PREPL: variants seen among roughly 807,000 people sequenced by gnomAD.
PREPL encodes prolyl endopeptidase-like.
A neutral mutation model predicts 70.6 loss-of-function variants in PREPL; 77 were observed. The observed-to-expected ratio is 1.09, with a 90% CI of 0.91 to 1.32. The LOEUF (loss-of-function observed/expected upper bound fraction) is 1.32. Among genes scored for constraint, PREPL ranks in the 40% most tolerant of loss-of-function variants. The pLI is 0.00. For missense variants in PREPL, 1,002 were observed against 778.2 expected, an observed-to-expected ratio of 1.29 and a Z score of -3.42; for synonymous variants, 315 against 264.8, an observed-to-expected ratio of 1.19 and a Z score of -1.84.
intron 10 of PREPL, among the ~76,000 whole-genome samples, chr2:44,325,225 C>A (rs1220391967): frequency 6.6e-6 from 1 of 152,208 alleles, no homozygotes; most frequent in Non-Finnish European, 1.5e-5. Flanking sequence ...ATCAACCAGA[C>A]ACATGTGCTT....
At position 44,343,796 on chromosome 2, in the gene PREPL, G is replaced by A. The variant is rs901512576; in HGVS notation, c.298C>T (p.Leu100Phe). 2 of 1,613,872 alleles carry A rather than the reference G, an allele frequency of 1.2e-6. No individual in the cohort carries two copies. Among genetic ancestry groups the A allele is most frequent in the African/African-American group, 2.7e-5 (2 of 74,896 alleles). ...SEASTCVIIK[L>F]SDQPVMEASF... ...GCTTCCATTACGGGCTGATCGCTGA[G>A]CTTTATAATTACACAGGTAGATGCT... The change falls in exon 4 of 14, where the codon CTC (leucine) becomes TTC (phenylalanine). Residue 100 changes from leucine to phenylalanine, a missense_variant. Leu to Phe is a conservative substitution (Grantham distance 22, BLOSUM62 0). Coordinates refer to ENST00000409411, the MANE Select transcript of PREPL (RefSeq NM_001171613.2).
intron 1 of PREPL, among the ~76,000 whole-genome samples, chr2:44,355,693 A>T (rs943020094): frequency 6.6e-6 from 1 of 151,460 alleles, no homozygotes; most frequent in Admixed American, 6.6e-5. Context: ...TTTCAATAAC[A>T]TTCTATTGCT....
intron 7 of PREPL, among the ~76,000 whole-genome samples, chr2:44,334,879 A>T (rs1407887913): frequency 6.6e-6 from 1 of 152,184 alleles, no homozygotes; most frequent in African/African-American, 2.4e-5. Context: ...ATTTAAAAAG[A>T]TCTTTTAATC....
chr2:44,332,363 G>T, intron 8 of PREPL, 96 bp downstream of exon 8: 2 of 1,086,648 alleles, frequency 1.8e-6, no homozygotes, highest in Non-Finnish European at 2.7e-6. Context: ...TCTACATTAG[G>T]AAACCGTGCT....
At chr2:44,334,904 CAG>C (rs1674478078) in intron 7 of PREPL, among the ~76,000 whole-genome samples, 1 of 152,086 alleles carries the variant, frequency 6.6e-6, no homozygotes, top group African/African-American at 2.4e-5. Flanking sequence ...GCCCACCAGG[CAG>C]AGATACTGCA....
intron 1 of PREPL, among the ~76,000 whole-genome samples, chr2:44,353,249 C>A (rs1676641777): frequency 1.3e-5 from 2 of 151,896 alleles, no homozygotes; most frequent in South Asian, 2.1e-4. Flanking sequence ...GCTTTAGTTT[C>A]TTCATTTGTT....
chr2:44,321,044 G>C lies in PREPL; in HGVS notation c.*312C>G, dbSNP rs1672896872. 1 of 399,966 alleles carries C rather than the reference G, an allele frequency of 2.5e-6. No individual in the cohort carries two copies. The highest frequency in any genetic ancestry group is 4.0e-5 in the Admixed American group (1 of 24,728). The allele number at this position is 399,966 out of a possible 1,614,324, so 24.8% of individuals were successfully genotyped here. Reference sequence around the variant, plus strand: ...GAGGCAGGACACTAATTTGTAAACTGCTCAACTGTTCTGACTGGAAGGGAG... The same window carrying C: ...GAGGCAGGACACTAATTTGTAAACTCCTCAACTGTTCTGACTGGAAGGGAG... On this transcript the variant is annotated 3_prime_UTR_variant, in exon 14 of 14. Transcript: ENST00000409411.
chr2:44,357,744 C>T (rs1326277956), intron 1 of PREPL, among the ~76,000 whole-genome samples: 3 of 151,970 alleles, frequency 2.0e-5, no homozygotes, highest in Admixed American at 1.3e-4. Flanking sequence ...AGACAAAGTA[C>T]GACATGACAA....
chr2:44,340,776 A>C (rs1276487802), intron 5 of PREPL, among the ~76,000 whole-genome samples: 3 of 152,056 alleles, frequency 2.0e-5, no homozygotes, highest in Non-Finnish European at 4.4e-5. Flanking sequence ...AAAAATACAA[A>C]AATTAGCCAG....
At chr2:44,359,710 C>T in intron 1 of PREPL, 2 of 1,604,166 alleles carry the variant, frequency 1.2e-6, no homozygotes, top group Non-Finnish European at 1.7e-6. Flanking sequence ...TGGTCTTCTG[C>T]TGCATGATAT....
rs200854824 is a variant in PREPL at position 44,343,812 on chromosome 2, G to C, written c.282C>G (p.Thr94=). 1.0e-4 allele frequency: 163 copies of C among 1,613,844 alleles called. No individual in the cohort carries two copies. Among genetic ancestry groups the C allele is most frequent in the Middle Eastern group, 4.9e-4 (3 of 6,084 alleles). Residue 94 remains threonine, a synonymous_variant, in exon 4 of 14, where the codon ACC becomes ACG. Transcript: ENST00000409411. ...KIRTEDSEAS[T]CVIIKLSDQP... is the part of the protein sequence containing the mutation. ...GATCGCTGAGCTTTATAATTACACA[G>C]GTAGATGCTTCAGAATCTTCAGTTC... is the stretch of plus-strand genomic sequence containing the variant.
chr2:44,326,873 G>GT lies in PREPL; in HGVS notation c.1317dup (p.Leu440ThrfsTer6). Reference sequence around the variant, plus strand: ...GCCTCTAAATCAGCAAGGCCATTGAGTTTTTTAGTTAGGCGGCCATCAGCG... The same window carrying GT: ...GCCTCTAAATCAGCAAGGCCATTGAGTTTTTTTAGTTAGGCGGCCATCAGCG... On this transcript the variant is annotated frameshift_variant, in exon 10 of 14. Transcript: ENST00000409411. LOFTEE classifies it high-confidence loss of function. 2.5e-6 allele frequency: 4 copies of GT among 1,614,146 alleles called. No homozygotes were observed. The highest frequency in any genetic ancestry group is 3.4e-6 in the Non-Finnish European group (4 of 1,180,028).
chr2:44,326,495 GTT>G (rs374387914), intron 10 of PREPL, among the ~76,000 whole-genome samples: 1 of 136,936 alleles, frequency 7.3e-6, no homozygotes, highest in Non-Finnish European at 1.6e-5. Flanking sequence ...GCCTGGGTAG[GTT>G]TTTTTTTTTT....
chr2:44,360,925 T>C (rs1190704048), intron 1 of PREPL, among the ~76,000 whole-genome samples: 1 of 152,160 alleles, frequency 6.6e-6, no homozygotes, highest in Non-Finnish European at 1.5e-5. Context: ...ATAGATCAGA[T>C]GCGCTACGAC....
intron 1 of PREPL, among the ~76,000 whole-genome samples, 164 bp downstream of exon 1, chr2:44,361,216 C>T (rs1400468310): frequency 1.5e-4 from 23 of 152,158 alleles, no homozygotes; most frequent in Admixed American, 1.5e-3. Context: ...ACTCTCCACC[C>T]CAGGGATGAG....
intron 7 of PREPL, among the ~76,000 whole-genome samples, chr2:44,333,099 C>A (rs562301596): frequency 6.6e-6 from 1 of 152,212 alleles, no homozygotes. Context: ...CCTTACCCTG[C>A]TGCCTGGACA....
chr2:44,338,378 C>A lies in PREPL; in HGVS notation c.861G>T (p.Leu287=), dbSNP rs1572880917. ...TTAGAGACCGAACTGAATCATCAGC[C>A]AGACCAATCACATTAACATAAAGGA... is the stretch of plus-strand genomic sequence containing the variant. ...SNLLYVNVIG[L]ADDSVRSLKL... is the part of the protein sequence containing the mutation. Residue 287 remains leucine (L), a synonymous_variant, in exon 7 of 14, where the codon CTG becomes CTT. Coordinates refer to ENST00000409411, the MANE Select transcript of PREPL (RefSeq NM_001171613.2). 6.2e-7 allele frequency: 1 copy of A among 1,612,378 alleles called. No homozygotes were observed. The highest frequency in any genetic ancestry group is 1.3e-5 in the African/African-American group (1 of 74,978).
intron 5 of PREPL, among the ~76,000 whole-genome samples, chr2:44,340,213 T>C (rs1431634408): frequency 1.3e-5 from 2 of 152,072 alleles, no homozygotes; most frequent in Admixed American, 1.3e-4. Flanking sequence ...TGTTTCATTA[T>C]AATAAACAAT....
At chr2:44,323,451 G>A (rs1020317906) in intron 10 of PREPL, 40 bp from the exon 11 acceptor site, 1 of 1,489,318 alleles carries the variant, frequency 6.7e-7, no homozygotes, top group Non-Finnish European at 9.1e-7. Flanking sequence ...CAAGTAAGAG[G>A]TTGGTAAGTG....
Sources: gnomAD v4.1 joint callset for allele counts (sites outside exome capture counted in the v4.1 genomes callset) on GRCh38, gnomAD v4.1.1 for gene constraint, MANE v1.5 for transcripts, NCBI Gene and HGNC (gene_info 2026-07-23, HGNC 2026-07-21) for gene names.